Variants in FAM135A observed in about 807,000 individuals in gnomAD.
The protein encoded by FAM135A is family with sequence similarity 135 member A.
Under a neutral mutation model 146.8 loss-of-function variants are expected in FAM135A, and 79 were observed. That is an observed-to-expected ratio of 0.54 (90% CI 0.45 to 0.65). FAM135A has a LOEUF of 0.65. Among genes scored for constraint, FAM135A ranks in the 30% least tolerant of loss-of-function variants. The pLI is 0.00. For synonymous variants in FAM135A, 562 were observed against 603.6 expected, an observed-to-expected ratio of 0.93 and a Z score of 1.01; for missense variants, 1,623 against 1,758.2, an observed-to-expected ratio of 0.92 and a Z score of 1.38.
chr6:70,480,671 G>A (rs2128178034), intron 8 of FAM135A, among the ~76,000 whole-genome samples: 1 of 152,216 alleles, frequency 6.6e-6, no homozygotes, highest in South Asian at 2.1e-4. Flanking sequence ...ACTTCCAGAA[G>A]TCTAATTATA....
chr6:70,485,322 G>A (rs914679602), intron 10 of FAM135A, among the ~76,000 whole-genome samples: 5 of 151,680 alleles, frequency 3.3e-5, no homozygotes, highest in Non-Finnish European at 7.4e-5. Flanking sequence ...TAAACTTTAC[G>A]GTTTTTATTT....
intron 3 of FAM135A, among the ~76,000 whole-genome samples, chr6:70,427,558 T>C (rs1416751821): frequency 6.6e-6 from 1 of 151,928 alleles, no homozygotes; most frequent in Non-Finnish European, 1.5e-5. Flanking sequence ...AAAATTAATA[T>C]TGTAAAACTA....
intron 12 of FAM135A, among the ~76,000 whole-genome samples, chr6:70,507,581 C>T (rs1324602916): frequency 1.3e-5 from 2 of 152,036 alleles, no homozygotes; most frequent in Non-Finnish European, 2.9e-5. Context: ...TTGAAAAGAA[C>T]AATTTAATAA....
intron 18 of FAM135A, among the ~76,000 whole-genome samples, chr6:70,534,883 T>A (rs780031354): frequency 6.6e-6 from 1 of 152,324 alleles, no homozygotes; most frequent in Middle Eastern, 3.4e-3. Context: ...AGTTTCTACC[T>A]AAAGTCATTT....
intron 8 of FAM135A, among the ~76,000 whole-genome samples, chr6:70,480,104 A>T (rs925660434): frequency 6.6e-6 from 1 of 152,152 alleles, no homozygotes; most frequent in Non-Finnish European, 1.5e-5. Context: ...GCTTTGGCCT[A>T]CTTTATCTCA....
chr6:70,450,277 A>G (rs1776737674), intron 4 of FAM135A, among the ~76,000 whole-genome samples: 1 of 152,022 alleles, frequency 6.6e-6, no homozygotes, highest in Non-Finnish European at 1.5e-5. Context: ...ATTTGGCGTA[A>G]TCTTATTTGT....
At position 70,464,833 on chromosome 6, in the gene FAM135A, A is replaced by ATTTT. The variant is rs67408160; in HGVS notation, c.158-10551_158-10548dup. On this transcript the variant is annotated intron_variant, in intron 5 of 21. Transcript: ENST00000418814. The stretch of plus-strand genomic sequence containing the variant: ...AGGCATGCACCACCACGCCTGGCCA[A>ATTTT]TTTTTTTTTTTTTTTTTTTTTTTTT... Among the ~76,000 whole-genome samples, 9 of 64,324 alleles carry ATTTT rather than the reference A, an allele frequency of 1.4e-4. 1 individual carries two copies. The highest frequency in any genetic ancestry group is 4.3e-4 in the African/African-American group (6 of 14,034). 42.2% of individuals were successfully genotyped at this position (64,324 alleles called of 152,430 possible). A position where few individuals can be genotyped will look rare whatever the true frequency, so the allele number is the denominator to read the frequency against.
At chr6:70,466,845 T>C (rs1780560717) in intron 5 of FAM135A, among the ~76,000 whole-genome samples, 1 of 152,178 alleles carries the variant, frequency 6.6e-6, no homozygotes, top group Admixed American at 6.6e-5. Flanking sequence ...TAATCTGTCC[T>C]CAGGTTAAAG....
At chr6:70,427,966 T>C (rs1258431136) in intron 3 of FAM135A, among the ~76,000 whole-genome samples, 1 of 152,196 alleles carries the variant, frequency 6.6e-6, no homozygotes, top group Non-Finnish European at 1.5e-5. Context: ...GAATATTAGA[T>C]ATCTTCACTA....
chr6:70,419,202 C>T (rs534502924), intron 2 of FAM135A, among the ~76,000 whole-genome samples: 4 of 152,072 alleles, frequency 2.6e-5, no homozygotes, highest in South Asian at 2.1e-4. Flanking sequence ...AGGCAGATCA[C>T]GAGGTCAGGA....
chr6:70,477,316 C>T lies in FAM135A; in HGVS notation c.526C>T (p.His176Tyr). The T allele has an allele frequency of 1.2e-6, 2 of 1,612,444 alleles. No individual in the cohort carries two copies. The highest frequency in any genetic ancestry group is 1.7e-6 in the Non-Finnish European group (2 of 1,179,306). ...VTVHASLVAL[H>Y]QPLISFPRPV... is the part of the protein sequence containing the mutation. Reference sequence around the variant, plus strand: ...AGTTCATGCATCATTGGTTGCACTACACCAGCCACTAATAAGGTAAATTTG... The same window carrying T: ...AGTTCATGCATCATTGGTTGCACTATACCAGCCACTAATAAGGTAAATTTG... The change falls in exon 8 of 22, where the codon CAC becomes TAC. Residue 176 changes from histidine (H) to tyrosine (Y), a missense_variant. Around this residue, in one of 7 missense-constraint regions of FAM135A, gnomAD observed 16 missense variants for 39.0 expected, o/e 0.41. Coordinates refer to ENST00000418814, the MANE Select transcript of FAM135A (RefSeq NM_001162529.3).
chr6:70,452,186 A>G (rs939580179), intron 4 of FAM135A, among the ~76,000 whole-genome samples: 2 of 152,098 alleles, frequency 1.3e-5, no homozygotes, highest in Non-Finnish European at 2.9e-5. Context: ...AAATGAAACA[A>G]TGAAGTTCTT....
intron 11 of FAM135A, among the ~76,000 whole-genome samples, chr6:70,501,297 G>A (rs1310147821): frequency 6.6e-6 from 1 of 152,172 alleles, no homozygotes; most frequent in Non-Finnish European, 1.5e-5. Flanking sequence ...AGCACTGTCA[G>A]TGGAAAACCA....
chr6:70,552,860 A>G (rs756685273), intron 20 of FAM135A, among the ~76,000 whole-genome samples: 2 of 152,126 alleles, frequency 1.3e-5, no homozygotes, highest in African/African-American at 4.8e-5. Context: ...AGAAATACGC[A>G]TTTCAGGAGC....
chr6:70,510,529 A>G (rs1790757798), intron 12 of FAM135A, among the ~76,000 whole-genome samples: 1 of 152,080 alleles, frequency 6.6e-6, no homozygotes, highest in East Asian at 1.9e-4. Context: ...GTAATCATAC[A>G]ACATTTTGTA....
intron 9 of FAM135A, among the ~76,000 whole-genome samples, chr6:70,481,732 CA>C (rs1228252956): frequency 6.6e-6 from 1 of 151,810 alleles, no homozygotes; most frequent in Non-Finnish European, 1.5e-5. Flanking sequence ...GTCTGTCCTT[CA>C]GTCTAAATGT....
chr6:70,494,914 T>C (rs1786884836), intron 11 of FAM135A, among the ~76,000 whole-genome samples: 1 of 152,214 alleles, frequency 6.6e-6, no homozygotes, highest in Non-Finnish European at 1.5e-5. Context: ...TCATATCTTA[T>C]ACAGTGCTAT....
intron 5 of FAM135A, among the ~76,000 whole-genome samples, chr6:70,454,271 A>G (rs1320482887): frequency 3.9e-5 from 6 of 152,002 alleles, no homozygotes; most frequent in Non-Finnish European, 8.8e-5. Flanking sequence ...TTTTTCTTGT[A>G]AATTTGTTTA....
chr6:70,431,539 CACA>C (rs1413733515), intron 4 of FAM135A, among the ~76,000 whole-genome samples: 81 of 152,258 alleles, frequency 5.3e-4, no homozygotes, highest in African/African-American at 1.9e-3. Flanking sequence ...ACACCTCCAC[CACA>C]AGATACTGGC....
Sources: allele counts gnomAD v4.1 joint callset (sites outside exome capture counted in the v4.1 genomes callset), GRCh38; gene constraint gnomAD v4.1.1; regional missense constraint gnomAD v4.1.1; transcripts MANE v1.5; gene names NCBI Gene and HGNC (gene_info 2026-07-23, HGNC 2026-07-21).